The following GARIN1A variants were observed in gnomAD, a reference collection of about 807,000 sequenced individuals.
GARIN1A encodes Golgi-associated RAB2 interactor protein 1A.
the GARIN1A span, chr7:128,677,599 A>T: frequency 2.0e-4 from 326 of 1,612,932 alleles, 1 homozygote; most frequent in African/African-American, 3.7e-3. Context: ...CTACGAATCT[A>T]CGACCGGCTC....
At chr7:128,676,959 A>G in the GARIN1A span, among the ~76,000 whole-genome samples, 2 of 151,688 alleles carry the variant, frequency 1.3e-5, no homozygotes, top group Non-Finnish European at 2.9e-5. Flanking sequence ...GATCGCTTGA[A>G]GCCAGGAGTT....
At chr7:128,706,139 T>A in the GARIN1A span, among the ~76,000 whole-genome samples, 24 of 152,234 alleles carry the variant, frequency 1.6e-4, no homozygotes, top group African/African-American at 5.1e-4. Context: ...AGTCCCAAAT[T>A]TGGCCTGCAG....
At chr7:128,675,621 C>CTT in the GARIN1A span, 1 of 1,592,190 alleles carries the variant, frequency 6.3e-7, no homozygotes, top group Admixed American at 1.7e-5. Context: ...CATCTGTATT[C>CTT]CACCCCTTGT....
At chr7:128,704,175 T>A in the GARIN1A span, among the ~76,000 whole-genome samples, 1 of 139,514 alleles carries the variant, frequency 7.2e-6, no homozygotes, top group East Asian at 2.1e-4. Flanking sequence ...CCCCAACCTT[T>A]TTGGCACCAG....
At chr7:128,688,852 C>G in the GARIN1A span, among the ~76,000 whole-genome samples, 1 of 143,526 alleles carries the variant, frequency 7.0e-6, no homozygotes, top group Non-Finnish European at 1.5e-5. Flanking sequence ...TGATGCCGAG[C>G]CGAAGCTGGA....
chr7:128,707,208 T>TTGTGTGTGTGTG, the GARIN1A span, among the ~76,000 whole-genome samples: 1 of 94,692 alleles, frequency 1.1e-5, no homozygotes, highest in African/African-American at 4.2e-5. Flanking sequence ...ATTATTATTA[T>TTGTGTGTGTGTG]TGTGTGTATG....
the GARIN1A span, chr7:128,686,257 C>T: frequency 1.3e-5 from 2 of 152,124 alleles, no homozygotes; most frequent in African/African-American, 2.4e-5. Flanking sequence ...GTCTCCCAGA[C>T]TTTATCATCA....
the GARIN1A span, among the ~76,000 whole-genome samples, chr7:128,707,426 C>T: frequency 1.2e-3 from 186 of 152,132 alleles, 1 homozygote; most frequent in African/African-American, 4.3e-3. Context: ...CTACCCAGCC[C>T]CTGGCAATCA....
the GARIN1A span, among the ~76,000 whole-genome samples, chr7:128,696,963 G>C: frequency 7.2e-4 from 110 of 152,312 alleles, 1 homozygote; most frequent in East Asian, 0.018. Context: ...AATTTTCCAG[G>C]AAGTTAACCA....
At chr7:128,684,416 G>A in the GARIN1A span, 1 of 152,218 alleles carries the variant, frequency 6.6e-6, no homozygotes, top group Non-Finnish European at 1.5e-5. Context: ...AGGACTTCGA[G>A]ACCAGCCTGG....
chr7:128,696,008 C>CTTTTTTTTTTTTTTTTTTTTTTTTTTT, the GARIN1A span, among the ~76,000 whole-genome samples: 2 of 80,106 alleles, frequency 2.5e-5, 1 homozygote, highest in Non-Finnish European at 4.5e-5. Context: ...TCCTAACTTC[C>CTTTTTTTTTTTTTTTTTTTTTTTTTTT]TTTTTTTTTT....
At chr7:128,702,212 G>A in the GARIN1A span, among the ~76,000 whole-genome samples, 7 of 152,184 alleles carry the variant, frequency 4.6e-5, no homozygotes, top group East Asian at 1.4e-3. Flanking sequence ...ACTTGAATCT[G>A]CACAAAGAAA....
chr7:128,682,879 A>C, the GARIN1A span: 1 of 1,096,466 alleles, frequency 9.1e-7, no homozygotes, highest in South Asian at 1.7e-5. Flanking sequence ...ACCCAGCTGA[A>C]AGTGGTTTTT....
chr7:128,677,613 C>T, the GARIN1A span: 37 of 1,613,322 alleles, frequency 2.3e-5, no homozygotes, highest in Admixed American at 5.0e-5. Flanking sequence ...CCGGCTCCAG[C>T]GCATCCTGAG....
the GARIN1A span, chr7:128,679,908 G>T: frequency 3.7e-6 from 2 of 533,790 alleles, no homozygotes; most frequent in South Asian, 6.1e-5. Context: ...GAAGGAACAG[G>T]TTCCCAGGGT....
chr7:128,675,877 G>A, the GARIN1A span: 3 of 1,542,244 alleles, frequency 1.9e-6, no homozygotes, highest in East Asian at 6.7e-5. Context: ...CTTGAGGGAG[G>A]GCGGGAAGGG....
chr7:128,690,500 G>A, the GARIN1A span: 1 of 152,140 alleles, frequency 6.6e-6, no homozygotes, highest in Non-Finnish European at 1.5e-5. Flanking sequence ...CCTAATGGTA[G>A]GAGGAGACAA....
the GARIN1A span, among the ~76,000 whole-genome samples, chr7:128,681,919 G>C: frequency 6.8e-6 from 1 of 146,050 alleles, no homozygotes; most frequent in African/African-American, 2.6e-5. Flanking sequence ...GCTCTGCAGG[G>C]ACCATGCTCC....
chr7:128,679,974 G>A, the GARIN1A span: 1 of 1,023,062 alleles, frequency 9.8e-7, no homozygotes, highest in Non-Finnish European at 1.4e-6. Context: ...CTACCCCGAG[G>A]AGGCCAAGAA....
Sources: allele counts gnomAD v4.1 joint callset (sites outside exome capture counted in the v4.1 genomes callset), GRCh38; gene constraint gnomAD v4.1.1; transcripts MANE v1.5; gene names NCBI Gene and HGNC (gene_info 2026-07-23, HGNC 2026-07-21).